CFTR: variants seen among roughly 807,000 people sequenced by gnomAD.
CFTR encodes cystic fibrosis transmembrane conductance regulator.
Under a neutral mutation model 171.6 loss-of-function variants are expected in CFTR, and 181 were observed. That is an observed-to-expected ratio of 1.05 (90% CI 0.93 to 1.19). The LOEUF (loss-of-function observed/expected upper bound fraction) is 1.19. CFTR is among the 50% of genes most tolerant of loss of function. The pLI is 0.00. For missense variants in CFTR, 1,968 were observed against 1,734.7 expected, an observed-to-expected ratio of 1.13 and a Z score of -2.39; for synonymous variants, 583 against 608.0, an observed-to-expected ratio of 0.96 and a Z score of 0.60.
At chr7:117,489,350 T>C (rs885993) in intron 1 of CFTR, among the ~76,000 whole-genome samples, 83,689 of 151,948 alleles carry the variant, frequency 0.55, 25,692 homozygotes, top group African/African-American at 0.84. Flanking sequence ...TGAATAAGTA[T>C]GTAATATTGT....
intron 14 of CFTR, among the ~76,000 whole-genome samples, chr7:117,594,454 A>G (rs2116038311): frequency 6.6e-6 from 1 of 152,340 alleles, no homozygotes; most frequent in South Asian, 2.1e-4. Flanking sequence ...GAAAGTCCTA[A>G]GTTACTAAGA....
chr7:117,611,634 C>T lies in CFTR; in HGVS notation c.3193C>T (p.Leu1065Phe), dbSNP rs397508515. Residue 1065 changes from leucine to phenylalanine, a missense_variant, in exon 20 of 27, where the codon CTT becomes TTT. Transcript: ENST00000003084. Reference sequence around the variant, plus strand: ...TACAAGCTTAAAAGGACTATGGACACTTCGTGCCTTCGGACGGCAGCCTTA... The same window carrying T: ...TACAAGCTTAAAAGGACTATGGACATTTCGTGCCTTCGGACGGCAGCCTTA... ...LVTSLKGLWT[L>F]RAFGRQPYFE... is the part of the protein sequence containing the mutation. 6.2e-7 allele frequency: 1 copy of T among 1,613,578 alleles called. No individual in the cohort carries two copies. The highest frequency in any genetic ancestry group is 8.5e-7 in the Non-Finnish European group (1 of 1,179,722).
chr7:117,640,819 A>G (rs560101242), intron 22 of CFTR, among the ~76,000 whole-genome samples: 4 of 152,276 alleles, frequency 2.6e-5, no homozygotes, highest in African/African-American at 9.6e-5. Context: ...AGATCAGCTA[A>G]ATTACATAAG....
intron 10 of CFTR, among the ~76,000 whole-genome samples, chr7:117,558,694 G>A (rs1799403767): frequency 6.6e-6 from 1 of 151,696 alleles, no homozygotes; most frequent in Admixed American, 6.6e-5. Flanking sequence ...ATCTGCTTAT[G>A]CTTCTATTAC....
chr7:117,485,560 G>C (rs1462600414), intron 1 of CFTR, among the ~76,000 whole-genome samples: 1 of 152,110 alleles, frequency 6.6e-6, no homozygotes, highest in Non-Finnish European at 1.5e-5. Context: ...TTACAGAGTG[G>C]CTTTACGGCT....
At chr7:117,482,583 AATAAC>A (rs1798014968) in intron 1 of CFTR, among the ~76,000 whole-genome samples, 1 of 152,156 alleles carries the variant, frequency 6.6e-6, no homozygotes, top group Admixed American at 6.5e-5. Flanking sequence ...CTTTTATGAA[AATAAC>A]ATTTATGAAA....
chr7:117,650,714 C>T (rs1397929953), intron 23 of CFTR, among the ~76,000 whole-genome samples: 2 of 152,056 alleles, frequency 1.3e-5, no homozygotes, highest in African/African-American at 4.8e-5. Flanking sequence ...AACTCAGGTC[C>T]TGCATAGGAA....
intron 24 of CFTR, among the ~76,000 whole-genome samples, chr7:117,660,485 G>A (rs1349202354): frequency 2.0e-5 from 3 of 151,942 alleles, no homozygotes; most frequent in African/African-American, 4.8e-5. Flanking sequence ...ACAAAAATTA[G>A]CTGGGCATGG....
At position 117,642,484 on chromosome 7, in the gene CFTR, C is replaced by T. The variant is rs76649725; in HGVS notation, c.3764C>T (p.Ser1255Leu). The change falls in exon 23 of 27, where the codon TCA (serine) becomes TTA (leucine). Residue 1255 changes from serine (S) to leucine (L), a missense_variant. By Grantham distance (145) the Ser-to-Leu change is moderately radical. Transcript: ENST00000003084. ...RTGSGKSTLL[S>L]AFLRLLNTEG... ...GGATCAGGGAAGAGTACTTTGTTAT[C>T]AGCTTTTTTGAGACTACTGAACACT... 1.9e-6 allele frequency: 3 copies of T among 1,613,638 alleles called. No homozygotes were observed. The highest frequency in any genetic ancestry group is 2.2e-5 in the South Asian group (2 of 91,068).
At chr7:117,632,683 G>A (rs1020894329) in intron 22 of CFTR, among the ~76,000 whole-genome samples, 1 of 152,168 alleles carries the variant, frequency 6.6e-6, no homozygotes, top group African/African-American at 2.4e-5. Context: ...ACTGAAATAA[G>A]AAGCTATGTA....
intron 10 of CFTR, 81 bp downstream of exon 10, chr7:117,548,904 G>T (rs1378174021): frequency 4.5e-6 from 7 of 1,538,552 alleles, no homozygotes; most frequent in Non-Finnish European, 1.8e-6. Flanking sequence ...GTGCTGGAAG[G>T]TATTTTTGGA....
chr7:117,611,729 G>A lies in CFTR; in HGVS notation c.3288G>A (p.Leu1096=), dbSNP rs936512397. 3 of 1,613,404 alleles carry A rather than the reference G, an allele frequency of 1.9e-6. No individual in the cohort carries two copies. Among genetic ancestry groups the A allele is most frequent in the Non-Finnish European group, 1.7e-6 (2 of 1,179,764 alleles). The part of the protein sequence containing the change: ...TANWFLYLST[L]RWFQMRIEMI... ...ACTGGTTCTTGTACCTGTCAACACTGCGCTGGTTCCAAATGAGAATAGAAA... is the reference window on the plus strand; with the variant it reads ...ACTGGTTCTTGTACCTGTCAACACTACGCTGGTTCCAAATGAGAATAGAAA... Residue 1096 remains leucine, a synonymous_variant, in exon 20 of 27, where the codon CTG becomes CTA. Coordinates refer to ENST00000003084, the MANE Select transcript of CFTR (RefSeq NM_000492.4).
chr7:117,622,183 TTAA>T (rs1792592665), intron 21 of CFTR, among the ~76,000 whole-genome samples: 1 of 152,202 alleles, frequency 6.6e-6, no homozygotes, highest in African/African-American at 2.4e-5. Context: ...ATTTATGCTG[TTAA>T]TAATTTATAG....
chr7:117,634,409 T>G (rs1457661366), intron 22 of CFTR, among the ~76,000 whole-genome samples: 2 of 152,106 alleles, frequency 1.3e-5, no homozygotes, highest in Non-Finnish European at 2.9e-5. Context: ...GATATCTCTA[T>G]TTTTGATGTT....
chr7:117,617,280 C>CT (rs753988390), intron 21 of CFTR, among the ~76,000 whole-genome samples: 149 of 141,244 alleles, frequency 1.1e-3, no homozygotes, highest in African/African-American at 2.3e-3. Flanking sequence ...GACAGTGTGG[C>CT]TTTTTTTTTT....
In CFTR at chr7:117,610,505, C is replaced by A. The variant is rs1470744907; in HGVS notation, c.2989-14C>A. 6.2e-7 allele frequency: 1 copy of A among 1,608,808 alleles called. No homozygotes were observed. Among genetic ancestry groups the A allele is most frequent in the African/African-American group, 1.3e-5 (1 of 74,410 alleles). The stretch of plus-strand genomic sequence containing the variant: ...AAATGTTTACTCACCAACATGTTTT[C>A]TTTGATCTTACAGTTGTTATTAATT... On this transcript the variant is annotated splice_polypyrimidine_tract_variant and intron_variant, in intron 18 of 26. Coordinates refer to ENST00000003084, the MANE Select transcript of CFTR (RefSeq NM_000492.4).
intron 15 of CFTR, among the ~76,000 whole-genome samples, chr7:117,601,591 C>G (rs1370779973): frequency 6.6e-6 from 1 of 151,874 alleles, no homozygotes; most frequent in East Asian, 1.9e-4. Flanking sequence ...ATATCTTATT[C>G]CAAGCATATT....
intron 23 of CFTR, among the ~76,000 whole-genome samples, chr7:117,649,996 G>A (rs1384237921): frequency 6.6e-6 from 1 of 152,086 alleles, no homozygotes; most frequent in African/African-American, 2.4e-5. Flanking sequence ...CTGAGGGAGT[G>A]AAAGAAAGCT....
In CFTR at chr7:117,636,554, G is replaced by T. The variant is rs76266760; in HGVS notation, c.3718-5884G>T. 9.8e-3 allele frequency among the ~76,000 whole-genome samples: 1,483 copies of T among 151,264 alleles called. 29 individuals carry two copies. Among genetic ancestry groups the T allele is most frequent in the African/African-American group, 0.032 (1,315 of 41,248 alleles). The stretch of plus-strand genomic sequence containing the variant: ...ATGTTACAGTTTTTGTAGTCATCCC[G>T]CTGTTTTGGATATTCTGTTTTTTTC... On this transcript the variant is annotated intron_variant, in intron 22 of 26. Transcript: ENST00000003084.
Sources: gnomAD v4.1 joint callset for allele counts (sites outside exome capture counted in the v4.1 genomes callset) on GRCh38, gnomAD v4.1.1 for gene constraint, MANE v1.5 for transcripts, NCBI Gene and HGNC (gene_info 2026-07-23, HGNC 2026-07-21) for gene names.